MYT1L: variants seen among roughly 807,000 people sequenced by gnomAD.
MYT1L encodes myelin transcription factor 1 like, also known as myelin transcription factor 1-like protein.
In MYT1L, 12 loss-of-function variants were observed where a neutral mutation model predicts 126.7. That is an observed-to-expected ratio of 0.09 (90% confidence interval 0.06 to 0.15). The LOEUF (loss-of-function observed/expected upper bound fraction) is 0.15, where lower values mean the gene tolerates loss of function less well. Ranked by LOEUF, MYT1L falls within the 10% of genes least tolerant of loss-of-function variation. The probability of loss-of-function intolerance (pLI) is 1.00; values close to 1 mark genes in which losing one functional copy is unlikely to be tolerated. For synonymous variants in MYT1L, 541 were observed against 604.2 expected, an observed-to-expected ratio of 0.90 and a Z score of 1.53; for missense variants, 979 against 1,585.2, an observed-to-expected ratio of 0.62 and a Z score of 6.49.
chr2:2,033,792 G>A (rs888667434), intron 4 of MYT1L, among the ~76,000 whole-genome samples: 7 of 152,152 alleles, frequency 4.6e-5, no homozygotes, highest in Non-Finnish European at 1.0e-4. Flanking sequence ...GCCTGGAGCA[G>A]CCCCAACGGC....
chr2:2,272,827 G>C (rs1244526565), intron 2 of MYT1L, among the ~76,000 whole-genome samples: 1 of 152,144 alleles, frequency 6.6e-6, no homozygotes, highest in Non-Finnish European at 1.5e-5. Flanking sequence ...CACCCTTGAT[G>C]CTTCTTTCTC....
At chr2:2,066,921 G>A (rs1221904787) in intron 3 of MYT1L, among the ~76,000 whole-genome samples, 1 of 152,198 alleles carries the variant, frequency 6.6e-6, no homozygotes, top group African/African-American at 2.4e-5. Flanking sequence ...CCTCTAGAGG[G>A]AAAGTCACAA....
chr2:2,105,671 G>T lies in MYT1L; in HGVS notation c.-303-51548C>A, dbSNP rs72767376. On this transcript the variant is annotated intron_variant, in intron 3 of 24. Coordinates refer to ENST00000647738, the MANE Select transcript of MYT1L (RefSeq NM_001303052.2). ...ACGTTTAAAAAGTAAGGCGTCATAC[G>T]TTCACAAAAATTTCTTATAAATTAC... 2.8e-4 allele frequency among the ~76,000 whole-genome samples: 43 copies of T among 152,136 alleles called. No homozygotes were observed. The South Asian group carries it at 2.9e-3, about 10-fold the overall frequency.
intron 18 of MYT1L, among the ~76,000 whole-genome samples, chr2:1,879,113 C>T (rs1462294467): frequency 6.6e-6 from 1 of 152,122 alleles, no homozygotes; most frequent in African/African-American, 2.4e-5. Context: ...TTCCTGCTTC[C>T]CCGGCCCCTG....
intron 2 of MYT1L, among the ~76,000 whole-genome samples, chr2:2,214,647 C>A (rs976710408): frequency 4.6e-5 from 7 of 152,094 alleles, no homozygotes; most frequent in African/African-American, 1.7e-4. Flanking sequence ...CGAAGTAAGA[C>A]AAAGACTTCT....
chr2:1,910,242 G>A lies in MYT1L; in HGVS notation c.1815C>T (p.Leu605=), dbSNP rs973442370. Residue 605 remains leucine, a splice_region_variant and synonymous_variant, in exon 13 of 25, where the codon CTC becomes CTT. Coordinates refer to ENST00000647738, the MANE Select transcript of MYT1L (RefSeq NM_001303052.2). This position sits in a 1 kb window ranked among gnomAD's most constrained non-coding sequence, Gnocchi z 4.8. ...GATGGTGCACTCCTGCTGGGTACCT[G>A]AGCACGCGGTCCGAGGCCTGGCTGG... ...SKSSQASDRV[L]RPMCFVKQLE... The A allele has an allele frequency of 3.7e-6, 6 of 1,612,622 alleles. No homozygotes were observed. In the Admixed American group the frequency reaches 6.7e-5, roughly 18 times the overall value.
intron 8 of MYT1L, among the ~76,000 whole-genome samples, chr2:1,961,791 C>G (rs553011581): frequency 2.2e-4 from 34 of 152,328 alleles, no homozygotes; most frequent in African/African-American, 7.9e-4. Flanking sequence ...AATCAAGCAA[C>G]TCACACAGAT....
chr2:2,289,211 G>A (rs1219548222), intron 1 of MYT1L, among the ~76,000 whole-genome samples: 5 of 152,164 alleles, frequency 3.3e-5, no homozygotes, highest in South Asian at 2.1e-4. Flanking sequence ...TCTGGCTAGG[G>A]TGGGAATACC....
chr2:2,251,334 T>C (rs1041443056), intron 2 of MYT1L, among the ~76,000 whole-genome samples: 3 of 152,196 alleles, frequency 2.0e-5, no homozygotes, highest in African/African-American at 7.2e-5. Context: ...TGGAGATACG[T>C]CCGCTGCAGC....
Position 2,133,098 on chromosome 2 carries a change from G to A in MYT1L, c.-304+39774C>T, listed in dbSNP as rs190323229. ...TTCTTTGGGGGGGACGAAGACACAC[G>A]TTAAGAGACGGCGCTTTTTGAATGT... On this transcript the variant is annotated intron_variant, in intron 3 of 24. Coordinates refer to ENST00000647738, the MANE Select transcript of MYT1L (RefSeq NM_001303052.2). Among the ~76,000 whole-genome samples the A allele has an allele frequency of 2.5e-3, 379 of 152,274 alleles. 2 individuals are homozygous for A. Among genetic ancestry groups the A allele is most frequent in the African/African-American group, 8.7e-3 (362 of 41,554 alleles).
intron 2 of MYT1L, among the ~76,000 whole-genome samples, chr2:2,204,587 G>A (rs1231230098): frequency 2.1e-5 from 3 of 142,772 alleles, no homozygotes; most frequent in Non-Finnish European, 4.5e-5. Flanking sequence ...AGTTAGAATG[G>A]CAATCATTAA....
rs779498147 is a variant in MYT1L, at chr2:2,152,011, G to A, written c.-304+20861C>T. ...GCAGAGGTTGCAGTGAGCCGAGATC[G>A]CGCCACCACACTCCAGCCTGGGTGA... On this transcript the variant is annotated intron_variant, in intron 3 of 24. Coordinates refer to ENST00000647738, the MANE Select transcript of MYT1L (RefSeq NM_001303052.2). Among the ~76,000 whole-genome samples the A allele has an allele frequency of 1.1e-4, 17 of 152,152 alleles. No homozygotes were observed. The East Asian group carries it at 1.3e-3, about 12-fold the overall frequency.
At chr2:2,198,845 C>CA (rs1301541697) in intron 2 of MYT1L, among the ~76,000 whole-genome samples, 2 of 150,978 alleles carry the variant, frequency 1.3e-5, no homozygotes, top group Admixed American at 6.6e-5. Flanking sequence ...GACTCTGTCT[C>CA]AAAAAAAATA....
rs573730914 is a variant in MYT1L at position 1,910,795 on chromosome 2, G to A, written c.1710-448C>T. On this transcript the variant is annotated intron_variant, in intron 12 of 24. Transcript: ENST00000647738. The surrounding 1 kb of genome is among the most constrained non-coding windows in gnomAD (Gnocchi z 4.8). Reference sequence around the variant, plus strand: ...TTTCCTAAATGCTATTGACTGTGGCGTCTGGGGGGCCTGTCTGACTTTAGC... The same window carrying A: ...TTTCCTAAATGCTATTGACTGTGGCATCTGGGGGGCCTGTCTGACTTTAGC... Among the ~76,000 whole-genome samples, 7 of 152,260 alleles carry A rather than the reference G, an allele frequency of 4.6e-5. No homozygotes were observed. The South Asian group carries it at 6.2e-4, about 14-fold the overall frequency.
At chr2:1,792,871 CAA>C (rs55682787) in intron 23 of MYT1L, among the ~76,000 whole-genome samples, 3,623 of 76,328 alleles carry the variant, frequency 0.047, 205 homozygotes, top group African/African-American at 0.16. Flanking sequence ...TTCCGTCTCA[CAA>C]AAAAAAAAAA....
chr2:2,221,412 G>A (rs1254342982), intron 2 of MYT1L, among the ~76,000 whole-genome samples: 1 of 152,144 alleles, frequency 6.6e-6, no homozygotes. Flanking sequence ...CTCAGAGCTT[G>A]CAATGGGCAC....
At position 1,910,510 on chromosome 2, in the gene MYT1L, G is replaced by T. The variant is rs1488200423; in HGVS notation, c.1710-163C>A. 1.3e-5 allele frequency among the ~76,000 whole-genome samples: 2 copies of T among 152,150 alleles called. No individual in the cohort carries two copies. The highest frequency in any genetic ancestry group is 2.9e-5 in the Non-Finnish European group (2 of 68,026). ...CCTGATGGGTGGACTGGGAGAGGGG[G>T]AGGTAGTCATGTTTCCAGGTGCATG... On this transcript the variant is annotated intron_variant, in intron 12 of 24. Transcript: ENST00000647738. The surrounding 1 kb of genome is among the most constrained non-coding windows in gnomAD (Gnocchi z 4.8).
At chr2:1,978,252 C>T (rs984450101) in intron 8 of MYT1L, among the ~76,000 whole-genome samples, 2 of 152,168 alleles carry the variant, frequency 1.3e-5, no homozygotes, top group African/African-American at 4.8e-5. Flanking sequence ...GCAGATGCAC[C>T]CGCTTTAGAA....
At chr2:1,899,719 C>T (rs138231815) in intron 14 of MYT1L, among the ~76,000 whole-genome samples, 37 of 152,348 alleles carry the variant, frequency 2.4e-4, no homozygotes, top group Admixed American at 2.2e-3. Context: ...AAGTTTGCCA[C>T]TTTGGTAAAG....
Sources: gnomAD v4.1 joint callset for allele counts (sites outside exome capture counted in the v4.1 genomes callset) on GRCh38, gnomAD v4.1.1 for gene constraint, Gnocchi (gnomAD v3.1) non-coding constraint, MANE v1.5 for transcripts, NCBI Gene and HGNC (gene_info 2026-07-23, HGNC 2026-07-21) for gene names.